Variants in CDH12 observed in about 807,000 individuals in gnomAD.
The protein encoded by CDH12 is cadherin 12.
A neutral mutation model predicts 74.1 loss-of-function variants in CDH12; 41 were observed. The observed-to-expected ratio is 0.55, with a 90% CI of 0.43 to 0.72. The LOEUF is 0.72. CDH12 is among the 30% of genes least tolerant of loss of function. The probability of loss-of-function intolerance (pLI) is 0.00; values close to 1 mark genes in which losing one functional copy is unlikely to be tolerated. For missense variants in CDH12, 945 were observed against 977.2 expected (o/e 0.97, Z 0.44); for synonymous variants, 399 against 355.0 (o/e 1.12, Z -1.39).
At chr5:21,984,612 A>G (rs974425282) in intron 5 of CDH12, among the ~76,000 whole-genome samples, 8 of 151,880 alleles carry the variant, frequency 5.3e-5, no homozygotes, top group African/African-American at 1.9e-4. Context: ...CCTCTATGCC[A>G]CTCCCTCCCA....
At chr5:22,531,256 A>G (rs1360917276) in intron 1 of CDH12, among the ~76,000 whole-genome samples, 1 of 152,118 alleles carries the variant, frequency 6.6e-6, no homozygotes, top group Non-Finnish European at 1.5e-5. Context: ...CATGTTTTTG[A>G]GAGAGGGTAG....
At position 22,483,763 on chromosome 5, in the gene CDH12, T is replaced by TATAA. The variant is rs902754630; in HGVS notation, c.-428+21506_-428+21507insTTAT. On this transcript the variant is annotated intron_variant, in intron 2 of 14. Coordinates refer to ENST00000382254, the MANE Select transcript of CDH12 (RefSeq NM_004061.5). ...TCTTTCAAAACTATATATATATATA[T>TATAA]AAATTTAATTAATTGGGCATGGTGG... Among the ~76,000 whole-genome samples the TATAA allele has an allele frequency of 7.6e-5, 7 of 91,840 alleles. 1 individual carries two copies. The South Asian group carries it at 1.2e-3, about 15-fold the overall frequency. 60.3% of individuals were successfully genotyped at this position (91,840 alleles called of 152,430 possible). A position where few individuals can be genotyped will look rare whatever the true frequency, so the allele number is the denominator to read the frequency against.
intron 1 of CDH12, among the ~76,000 whole-genome samples, chr5:22,584,337 T>C (rs1580788861): frequency 6.6e-6 from 1 of 152,194 alleles, no homozygotes; most frequent in African/African-American, 2.4e-5. Context: ...TGACCTCAGG[T>C]GATCCATCTG....
At chr5:22,511,953 G>C (rs1484187811) in intron 1 of CDH12, among the ~76,000 whole-genome samples, 2 of 151,870 alleles carry the variant, frequency 1.3e-5, no homozygotes, top group Admixed American at 1.3e-4. Flanking sequence ...GTGTGTGTGT[G>C]TGTGTACATT....
chr5:22,204,168 TTTTTTTTG>T (rs1474655508), intron 4 of CDH12, among the ~76,000 whole-genome samples: 1 of 148,316 alleles, frequency 6.7e-6, no homozygotes, highest in African/African-American at 2.4e-5. Flanking sequence ...GTTTGTTTTT[TTTTTTTTG>T]TTTTTTGTTT....
chr5:22,534,899 A>G (rs1189646022), intron 1 of CDH12, among the ~76,000 whole-genome samples: 1 of 149,736 alleles, frequency 6.7e-6, no homozygotes, highest in African/African-American at 2.4e-5. Flanking sequence ...TTACTGTTAT[A>G]TAATATTATT....
chr5:21,757,837 A>G (rs906864982), intron 13 of CDH12, among the ~76,000 whole-genome samples: 1 of 152,182 alleles, frequency 6.6e-6, no homozygotes, highest in Non-Finnish European at 1.5e-5. Flanking sequence ...GTCTTATTAC[A>G]TGATATACAC....
chr5:21,833,133 T>G (rs1196751379), intron 8 of CDH12, among the ~76,000 whole-genome samples: 1 of 35,252 alleles, frequency 2.8e-5, no homozygotes, highest in Non-Finnish European at 4.3e-5. Flanking sequence ...TATTATATTA[T>G]AAATATATAT....
At chr5:22,776,368 C>G (rs1283823456) in intron 1 of CDH12, among the ~76,000 whole-genome samples, 1 of 152,120 alleles carries the variant, frequency 6.6e-6, no homozygotes, top group Non-Finnish European at 1.5e-5. Flanking sequence ...TAGTGTCACA[C>G]GGGATTAAAT....
At chr5:22,542,319 A>G (rs1738141599) in intron 1 of CDH12, among the ~76,000 whole-genome samples, 1 of 152,214 alleles carries the variant, frequency 6.6e-6, no homozygotes, top group South Asian at 2.1e-4. Context: ...CTGTCCCTGA[A>G]ATCCAACATA....
intron 4 of CDH12, among the ~76,000 whole-genome samples, chr5:22,106,883 G>T (rs770041726): frequency 7.2e-5 from 11 of 152,136 alleles, no homozygotes; most frequent in Non-Finnish European, 1.3e-4. Context: ...TGAGTTATAT[G>T]CATCTTAATA....
intron 6 of CDH12, among the ~76,000 whole-genome samples, chr5:21,954,851 A>C (rs1379960079): frequency 3.3e-5 from 5 of 152,080 alleles, no homozygotes; most frequent in Non-Finnish European, 7.4e-5. Flanking sequence ...TATGATTGTG[A>C]AAATAGAATT....
chr5:22,692,769 A>T (rs1742151311), intron 1 of CDH12, among the ~76,000 whole-genome samples: 1 of 152,200 alleles, frequency 6.6e-6, no homozygotes, highest in South Asian at 2.1e-4. Flanking sequence ...CTGCATGTTC[A>T]AATTACATTT....
At chr5:22,424,002 C>CAAAAAAAAAAAAA (rs1165781089) in intron 2 of CDH12, among the ~76,000 whole-genome samples, 6 of 31,220 alleles carry the variant, frequency 1.9e-4, no homozygotes, top group East Asian at 1.1e-3. Flanking sequence ...GACTCTGTCT[C>CAAAAAAAAAAAAA]AAAAAAAAAA....
chr5:22,192,002 C>G (rs1444510880), intron 4 of CDH12, among the ~76,000 whole-genome samples: 1 of 152,160 alleles, frequency 6.6e-6, no homozygotes, highest in Non-Finnish European at 1.5e-5. Context: ...GTGGCCTGAT[C>G]TTGGCTCACA....
At chr5:22,080,477 G>C (rs1356895753) in intron 4 of CDH12, among the ~76,000 whole-genome samples, 1 of 152,048 alleles carries the variant, frequency 6.6e-6, no homozygotes, top group Non-Finnish European at 1.5e-5. Context: ...GTAACTGTTA[G>C]ATATTGACAA....
At chr5:21,758,092 A>G (rs180872021) in intron 13 of CDH12, among the ~76,000 whole-genome samples, 172 of 152,298 alleles carry the variant, frequency 1.1e-3, no homozygotes, top group Admixed American at 2.5e-3. Context: ...TTATTGGTTT[A>G]AGTTATCTCC....
intron 12 of CDH12, among the ~76,000 whole-genome samples, chr5:21,764,353 G>A (rs1292966628): frequency 6.6e-6 from 1 of 151,994 alleles, no homozygotes; most frequent in South Asian, 2.1e-4. Flanking sequence ...CAGCCTGGGT[G>A]ACAGAGCGAG....
At chr5:22,766,602 C>A (rs1416384156) in intron 1 of CDH12, among the ~76,000 whole-genome samples, 1 of 152,086 alleles carries the variant, frequency 6.6e-6, no homozygotes, top group East Asian at 1.9e-4. Flanking sequence ...CCTTAAGAGA[C>A]TTCAGCTTAA....
Sources: gnomAD v4.1 joint callset for allele counts (sites outside exome capture counted in the v4.1 genomes callset) on GRCh38, gnomAD v4.1.1 for gene constraint, MANE v1.5 for transcripts, NCBI Gene and HGNC (gene_info 2026-07-23, HGNC 2026-07-21) for gene names.